Variants in COL14A1 observed in about 807,000 individuals in gnomAD.
COL14A1 encodes the protein collagen type XIV alpha 1 chain, also known as collagen alpha-1(XIV) chain.
In COL14A1, 136 loss-of-function variants were observed where a neutral mutation model predicts 230.3. That is an observed-to-expected ratio of 0.59 (90% CI 0.51 to 0.68). COL14A1 has a LOEUF of 0.68. COL14A1 is among the 30% of genes least tolerant of loss of function. The probability of loss-of-function intolerance (pLI) is 0.00; values close to 1 mark genes in which losing one functional copy is unlikely to be tolerated. For synonymous variants in COL14A1, 792 were observed against 784.1 expected (o/e 1.01, Z -0.17); for missense variants, 1,976 against 2,215.8 (o/e 0.89, Z 2.17).
rs73321630 is a variant in COL14A1 at position 120,164,001 on chromosome 8, A to T, written c.349+1432A>T. Among the ~76,000 whole-genome samples, 942 of 152,296 alleles carry T rather than the reference A, an allele frequency of 6.2e-3. 13 individuals are homozygous for T. The highest frequency in any genetic ancestry group is 0.021 in the African/African-American group (863 of 41,578). ...CCTCTTCCTGAAAGCAGTGTTTCAA[A>T]TGTGAAGGATAAAAATTTTGTATTG... On this transcript the variant is annotated intron_variant, in intron 4 of 47. Coordinates refer to ENST00000297848, the MANE Select transcript of COL14A1 (RefSeq NM_021110.4).
intron 1 of COL14A1, among the ~76,000 whole-genome samples, chr8:120,144,012 T>G (rs768380318): frequency 4.6e-5 from 7 of 152,150 alleles, no homozygotes; most frequent in Non-Finnish European, 8.8e-5. Context: ...GAGTTGCAAT[T>G]AGGTAACTTC....
intron 15 of COL14A1, 104 bp downstream of exon 15, chr8:120,225,318 ATTTTAAT>A: frequency 1.0e-6 from 1 of 976,534 alleles, no homozygotes; most frequent in South Asian, 1.7e-5. Context: ...AAGAGATTAA[ATTTTAAT>A]TTTTATTTCT....
chr8:120,323,608 G>A (rs1217179431), intron 40 of COL14A1, among the ~76,000 whole-genome samples: 1 of 152,120 alleles, frequency 6.6e-6, no homozygotes, highest in African/African-American at 2.4e-5. Context: ...GTATAAGGAA[G>A]GGGTCCGGTT....
chr8:120,222,721 A>T (rs915171057), intron 14 of COL14A1, among the ~76,000 whole-genome samples: 4 of 151,950 alleles, frequency 2.6e-5, no homozygotes, highest in Non-Finnish European at 5.9e-5. Flanking sequence ...TTTAAGAAAC[A>T]GTTTTTTTGG....
Position 120,371,635 on chromosome 8 carries a change from G to T in COL14A1, c.*404G>T. On this transcript the variant is annotated 3_prime_UTR_variant, in exon 48 of 48. Transcript: ENST00000297848. ...GGAAAAGAATTCAAAGAGGTTCAAAGAATATGTCACTTACTCCTACTTGCT... is the reference window on the plus strand; with the variant it reads ...GGAAAAGAATTCAAAGAGGTTCAAATAATATGTCACTTACTCCTACTTGCT... 2.5e-6 allele frequency: 1 copy of T among 398,572 alleles called. No homozygotes were observed. Among genetic ancestry groups the T allele is most frequent in the South Asian group, 1.3e-4 (1 of 7,840 alleles). The allele number at this position is 398,572 out of a possible 1,614,324, so 24.7% of individuals were successfully genotyped here. A position where few individuals can be genotyped will look rare whatever the true frequency, so the allele number is the denominator to read the frequency against.
chr8:120,343,497 C>A (rs1822386707), intron 44 of COL14A1, among the ~76,000 whole-genome samples: 1 of 152,148 alleles, frequency 6.6e-6, no homozygotes, highest in African/African-American at 2.4e-5. Flanking sequence ...TGAGATAAAT[C>A]CAAATCTCAC....
intron 8 of COL14A1, among the ~76,000 whole-genome samples, chr8:120,202,839 C>G (rs1253397644): frequency 6.6e-6 from 1 of 151,616 alleles, no homozygotes; most frequent in South Asian, 2.1e-4. Flanking sequence ...CCATGGTATT[C>G]AGTAGATACT....
chr8:120,173,885 GACAA>G (rs147129978), intron 5 of COL14A1, among the ~76,000 whole-genome samples: 21,614 of 152,038 alleles, frequency 0.14, 2,036 homozygotes, highest in Non-Finnish European at 0.21. Flanking sequence ...ACTGCAAAAA[GACAA>G]ACAAATCTAT....
At chr8:120,300,433 T>A (rs1295540165) in intron 35 of COL14A1, among the ~76,000 whole-genome samples, 1 of 152,090 alleles carries the variant, frequency 6.6e-6, no homozygotes, top group Non-Finnish European at 1.5e-5. Context: ...ACCAACAGAA[T>A]TAAATAGTAA....
At chr8:120,218,963 G>A (rs1817847808) in intron 14 of COL14A1, among the ~76,000 whole-genome samples, 1 of 151,906 alleles carries the variant, frequency 6.6e-6, no homozygotes, top group Non-Finnish European at 1.5e-5. Context: ...TTTGTTCATT[G>A]TAGAGCATCC....
intron 36 of COL14A1, among the ~76,000 whole-genome samples, chr8:120,309,305 C>T (rs533189464): frequency 3.3e-5 from 5 of 152,038 alleles, no homozygotes; most frequent in South Asian, 2.1e-4. Context: ...TTTTAGCAAG[C>T]GATACTTTTT....
chr8:120,170,100 A>G (rs1586734985), intron 5 of COL14A1, among the ~76,000 whole-genome samples: 1 of 151,912 alleles, frequency 6.6e-6, no homozygotes, highest in South Asian at 2.1e-4. Context: ...AAGTCGTAGA[A>G]TTTTTCTAGA....
chr8:120,209,838 G>A lies in COL14A1; in HGVS notation c.1404G>A (p.Gly468=), dbSNP rs764204359. Residue 468 remains glycine, a synonymous_variant, in exon 12 of 48, where the codon GGG becomes GGA. Coordinates refer to ENST00000297848, the MANE Select transcript of COL14A1 (RefSeq NM_021110.4). ...GAGTCAAATGGGATGCAGTGCCTGG[G>A]GCCTCAGGTTACCTGATCCTTTATG... ...SMRVKWDAVP[G]ASGYLILYAP... The A allele has an allele frequency of 1.2e-6, 2 of 1,613,774 alleles. No homozygotes were observed. Among genetic ancestry groups the A allele is most frequent in the Admixed American group, 1.7e-5 (1 of 59,966 alleles).
Position 120,315,521 on chromosome 8 carries a change from T to C in COL14A1, c.4552-12T>C. ...TATGTGAACTTAACTCTGTATACTT[T>C]TGGATATTCAGGGAATGCCAGGAGA... On this transcript the variant is annotated splice_polypyrimidine_tract_variant and intron_variant, in intron 38 of 47. Transcript: ENST00000297848. 1.2e-6 allele frequency: 2 copies of C among 1,609,696 alleles called. No individual in the cohort carries two copies. The highest frequency in any genetic ancestry group is 1.7e-6 in the Non-Finnish European group (2 of 1,176,084).
chr8:120,157,940 G>A (rs925698882), intron 2 of COL14A1, among the ~76,000 whole-genome samples, 190 bp from the exon 3 acceptor site: 13 of 152,110 alleles, frequency 8.5e-5, no homozygotes, highest in East Asian at 1.9e-4. Context: ...AGCTGAGATC[G>A]TGCCACTGCA....
intron 9 of COL14A1, 74 bp from the exon 10 acceptor site, chr8:120,206,869 T>C: frequency 2.2e-6 from 3 of 1,356,304 alleles, no homozygotes; most frequent in Non-Finnish European, 3.0e-6. Flanking sequence ...TTTATTTCTG[T>C]CTAATGAGAT....
intron 1 of COL14A1, among the ~76,000 whole-genome samples, chr8:120,134,940 A>C (rs1340885029): frequency 6.6e-6 from 1 of 152,204 alleles, no homozygotes; most frequent in Non-Finnish European, 1.5e-5. Context: ...GCACCACTGC[A>C]CTCCAGCCTG....
At chr8:120,336,871 A>T (rs1441215282) in intron 42 of COL14A1, among the ~76,000 whole-genome samples, 1 of 152,082 alleles carries the variant, frequency 6.6e-6, no homozygotes, top group Non-Finnish European at 1.5e-5. Context: ...CTTTTTCACC[A>T]CTTGGTGAGC....
chr8:120,321,282 C>A (rs529215278), intron 40 of COL14A1, among the ~76,000 whole-genome samples: 3 of 152,104 alleles, frequency 2.0e-5, no homozygotes, highest in African/African-American at 7.2e-5. Flanking sequence ...GAGTGGCACA[C>A]CTGGGCACAT....
Sources: allele counts gnomAD v4.1 joint callset (sites outside exome capture counted in the v4.1 genomes callset), GRCh38; gene constraint gnomAD v4.1.1; transcripts MANE v1.5; gene names NCBI Gene and HGNC (gene_info 2026-07-23, HGNC 2026-07-21).